KIAA1210: variants seen among roughly 807,000 people sequenced by gnomAD.
KIAA1210 encodes KIAA1210, also known as acrosomal protein KIAA1210.
KIAA1210 carries 48 observed loss-of-function variants against 78.9 expected under a neutral mutation model. The ratio of observed to expected loss-of-function variants is 0.61; its 90% CI spans 0.48 to 0.77. The LOEUF is 0.77. Among genes scored for constraint, KIAA1210 ranks in the 30% least tolerant of loss-of-function variants. The pLI is 0.00. For synonymous variants in KIAA1210, 406 were observed against 404.5 expected, an observed-to-expected ratio of 1.00 and a Z score of -0.04; for missense variants, 1,108 against 1,100.0, an observed-to-expected ratio of 1.01 and a Z score of -0.10.
chrX:119,142,774 CAA>C (rs11439597), intron 2 of KIAA1210, among the ~76,000 whole-genome samples: 846 of 38,721 alleles, frequency 0.022, 8 homozygotes, highest in African/African-American at 0.08. Context: ...GACTCCATCT[CAA>C]AAAAAAAAAA....
At chrX:119,110,469 AC>A (rs1233386533) in intron 3 of KIAA1210, among the ~76,000 whole-genome samples, 1 of 111,472 alleles carries the variant, frequency 9.0e-6, no homozygotes, top group Non-Finnish European at 1.9e-5. Context: ...GAGATTATAG[AC>A]CGGGAAATTA....
intron 3 of KIAA1210, 77 bp downstream of exon 3, chrX:119,116,419 G>T (rs1227670438): frequency 8.9e-6 from 9 of 1,016,910 alleles, no homozygotes; most frequent in Non-Finnish European, 1.2e-5. Context: ...TGGTGATTTG[G>T]CTGCCGAAAG....
chrX:119,093,447 G>A (rs1485636820), intron 8 of KIAA1210, among the ~76,000 whole-genome samples: 2 of 111,940 alleles, frequency 1.8e-5, no homozygotes, highest in Non-Finnish European at 3.8e-5. Flanking sequence ...AAGAATCCAG[G>A]TATGATCCTT....
At chrX:119,142,659 C>A (rs926389077) in intron 2 of KIAA1210, among the ~76,000 whole-genome samples, 2 of 108,026 alleles carry the variant, frequency 1.9e-5, no homozygotes, top group African/African-American at 6.8e-5. Flanking sequence ...TGCCTGTAAT[C>A]CCAGCTACAG....
At chrX:119,124,031 C>A (rs373337553) in intron 1 of KIAA1210, among the ~76,000 whole-genome samples, 1 of 111,499 alleles carries the variant, frequency 9.0e-6, no homozygotes, top group African/African-American at 3.3e-5. Context: ...GGATCTTGCT[C>A]TGTTACTCAG....
intron 2 of KIAA1210, among the ~76,000 whole-genome samples, chrX:119,145,532 C>G (rs1929147346): frequency 9.0e-6 from 1 of 111,029 alleles, no homozygotes; most frequent in African/African-American, 3.3e-5. Flanking sequence ...CTGCAACCCC[C>G]AAGCCACAGA....
At chrX:119,130,714 G>T (rs777341579), upstream of KIAA1210, among the ~76,000 whole-genome samples, 8 of 112,229 alleles carry the variant, frequency 7.1e-5, no homozygotes, top group Non-Finnish European at 3.8e-5. Context: ...CTGGCAAACC[G>T]AATGAGGGAA....
chrX:119,094,022 T>G (rs752437593), intron 7 of KIAA1210: 3 of 1,206,483 alleles, frequency 2.5e-6, no homozygotes, highest in Middle Eastern at 2.3e-4. Flanking sequence ...GAGTTTCTAA[T>G]GTCTGAGTGA....
At position 119,080,368 on chromosome X, in the gene KIAA1210, C is replaced by T. The variant is rs1353311023; in HGVS notation, c.*961G>A. On this transcript the variant is annotated 3_prime_UTR_variant, in exon 12 of 12. Coordinates refer to ENST00000691062, the MANE Select transcript of KIAA1210 (RefSeq NM_001394962.1). ...ACCCAAGGAGAAAGCATCAGGGGCC[C>T]CCAGGGACACAGGGAAGATGTTTCA... The T allele has an allele frequency of 9.0e-6, 1 of 111,431 alleles. No homozygotes were observed. The highest frequency in any genetic ancestry group is 3.3e-5 in the African/African-American group (1 of 30,567). 9.2% of individuals were successfully genotyped at this position (111,431 alleles called of 1,213,427 possible). A position where few individuals can be genotyped will look rare whatever the true frequency, so the allele number is the denominator to read the frequency against.
chrX:119,120,804 T>C (rs1407652914), intron 2 of KIAA1210, among the ~76,000 whole-genome samples: 1 of 111,541 alleles, frequency 9.0e-6, no homozygotes, highest in African/African-American at 3.3e-5. Flanking sequence ...GCTCTGAGTG[T>C]GGTGGTGGTA....
At chrX:119,126,703 G>T (rs1313323676) in intron 1 of KIAA1210, among the ~76,000 whole-genome samples, 3 of 112,019 alleles carry the variant, frequency 2.7e-5, no homozygotes, top group Non-Finnish European at 5.6e-5. Context: ...AGAATGAATG[G>T]CTTTACCCTT....
chrX:119,142,365 T>C (rs1929066510), intron 2 of KIAA1210, among the ~76,000 whole-genome samples: 1 of 112,084 alleles, frequency 8.9e-6, no homozygotes, highest in Non-Finnish European at 1.9e-5. Context: ...GAAAAGACTT[T>C]GATTCGGCTT....
chrX:119,103,128 T>C (rs766859783), intron 6 of KIAA1210, among the ~76,000 whole-genome samples: 1 of 111,820 alleles, frequency 8.9e-6, no homozygotes, highest in East Asian at 2.8e-4. Context: ...AAAATTATCT[T>C]TGGAGAAAGG....
rs200034820 is a variant in KIAA1210, at chrX:119,087,094, G to A, written c.3608C>T (p.Ser1203Phe). The part of the protein sequence containing the change: ...SPFQQQVHSS[S>F]VNAAARRSVF... ...AGATCGCCTAGCAGCAGCATTCACAGAACTTGAATGAACCTGTTGCTGGAA... is the reference window on the plus strand; with the variant it reads ...AGATCGCCTAGCAGCAGCATTCACAAAACTTGAATGAACCTGTTGCTGGAA... The change falls in exon 9 of 12, where the codon TCT becomes TTT. Residue 1203 changes from serine (S) to phenylalanine (F), a missense_variant. By Grantham distance (155) the Ser-to-Phe change is radical. Around this residue, in one of 5 missense-constraint regions of KIAA1210, gnomAD observed 245 missense variants for 278.8 expected, o/e 0.88. Coordinates refer to ENST00000691062, the MANE Select transcript of KIAA1210 (RefSeq NM_001394962.1). The A allele has an allele frequency of 2.1e-4, 254 of 1,209,840 alleles. No homozygotes were observed. Among genetic ancestry groups the A allele is most frequent in the Non-Finnish European group, 2.7e-4 (242 of 894,983 alleles).
intron 6 of KIAA1210, among the ~76,000 whole-genome samples, chrX:119,104,095 T>C (rs1927816406): frequency 8.9e-6 from 1 of 112,345 alleles, no homozygotes; most frequent in Non-Finnish European, 1.9e-5. Flanking sequence ...GTTAAAATGG[T>C]AAATTTTATG....
rs963362346 is a variant in KIAA1210 at position 119,113,552 on chromosome X, G to A, written c.230+2944C>T. 2.7e-5 allele frequency among the ~76,000 whole-genome samples: 3 copies of A among 111,715 alleles called. No homozygotes were observed. In the East Asian group the frequency reaches 8.4e-4, roughly 31 times the overall value. ...GTTTGAAAGAGGATAGGGGAATGGA[G>A]AATGACTGCTACTGGGCGCAGGGTT... On this transcript the variant is annotated intron_variant, in intron 3 of 11. Transcript: ENST00000691062.
intron 6 of KIAA1210, 59 bp downstream of exon 6, chrX:119,104,933 G>A: frequency 9.4e-7 from 1 of 1,064,390 alleles, no homozygotes; most frequent in East Asian, 3.2e-5. Flanking sequence ...GATGATACAA[G>A]AAGAAGTTAT....
intron 2 of KIAA1210, among the ~76,000 whole-genome samples, chrX:119,146,722 C>T (rs1321559009): frequency 1.8e-5 from 2 of 111,236 alleles, no homozygotes; most frequent in African/African-American, 6.5e-5. Flanking sequence ...TATCTCCTCC[C>T]TCTGACCCCT....
intron 7 of KIAA1210, among the ~76,000 whole-genome samples, chrX:119,095,317 G>A (rs1020571406): frequency 8.9e-6 from 1 of 112,437 alleles, no homozygotes; most frequent in African/African-American, 3.2e-5. Flanking sequence ...CAGAATCACT[G>A]GCGAATTCAG....
Sources: allele counts gnomAD v4.1 joint callset (sites outside exome capture counted in the v4.1 genomes callset), GRCh38; gene constraint gnomAD v4.1.1; regional missense constraint gnomAD v4.1.1; transcripts MANE v1.5; gene names NCBI Gene and HGNC (gene_info 2026-07-23, HGNC 2026-07-21).